AFF3: variants seen among roughly 807,000 people sequenced by gnomAD.
The protein encoded by AFF3 is ALF transcription elongation factor 3.
AFF3 carries 32 observed loss-of-function variants against 129.7 expected under a neutral mutation model. The observed-to-expected ratio is 0.25, with a 90% CI of 0.19 to 0.33. The LOEUF (loss-of-function observed/expected upper bound fraction) is 0.33. Among genes scored for constraint, AFF3 ranks in the 10% least tolerant of loss-of-function variants. AFF3 has a pLI of 1.00. For synonymous variants in AFF3, 644 were observed against 635.4 expected, an observed-to-expected ratio of 1.01 and a Z score of -0.20; for missense variants, 1,373 against 1,592.0, an observed-to-expected ratio of 0.86 and a Z score of 2.34.
intron 7 of AFF3, among the ~76,000 whole-genome samples, chr2:99,892,023 C>T (rs1019174192): frequency 6.6e-6 from 1 of 152,106 alleles, no homozygotes. Context: ...AGGGTTTCAC[C>T]GTATTAGCCA....
intron 7 of AFF3, among the ~76,000 whole-genome samples, chr2:99,938,864 C>G (rs1674767159): frequency 6.6e-6 from 1 of 152,142 alleles, no homozygotes; most frequent in African/African-American, 2.4e-5. Flanking sequence ...ATACACTTGT[C>G]AGAGACAGAG....
intron 7 of AFF3, among the ~76,000 whole-genome samples, chr2:99,838,082 C>G (rs1398751608): frequency 6.6e-6 from 1 of 152,170 alleles, no homozygotes; most frequent in Admixed American, 6.5e-5. Flanking sequence ...GCGTCACGCT[C>G]AAGTCACTTG....
chr2:100,107,193 A>G, intron 2 of AFF3: 1 of 985,358 alleles, frequency 1.0e-6, no homozygotes, highest in South Asian at 4.7e-5. Flanking sequence ...GTAGTTGCAG[A>G]TCCTGTTTTT....
At chr2:99,786,616 A>C (rs935397836) in intron 8 of AFF3, among the ~76,000 whole-genome samples, 1 of 152,236 alleles carries the variant, frequency 6.6e-6, no homozygotes, top group African/African-American at 2.4e-5. Flanking sequence ...TGTGGGGGCC[A>C]GTAAATAGAA....
At position 99,886,840 on chromosome 2, in the gene AFF3, A is replaced by AT. The variant is rs983823563; in HGVS notation, c.874-49317dup. On this transcript the variant is annotated intron_variant, in intron 7 of 24. Transcript: ENST00000672756. Reference sequence around the variant, plus strand: ...ATTTGTGAAAATTTTTACCATATGTATTTAGGATACTTTCTTAAAGTTTTA... The same window carrying AT: ...ATTTGTGAAAATTTTTACCATATGTATTTTAGGATACTTTCTTAAAGTTTTA... 2.6e-5 allele frequency among the ~76,000 whole-genome samples: 4 copies of AT among 152,320 alleles called. No individual in the cohort carries two copies. In the South Asian group the frequency reaches 8.3e-4, roughly 32 times the overall value.
At chr2:99,587,123 C>T in intron 16 of AFF3, 31 bp downstream of exon 16, 4 of 1,613,010 alleles carry the variant, frequency 2.5e-6, no homozygotes, top group Non-Finnish European at 2.5e-6. Flanking sequence ...ATCTCTCCAG[C>T]TCACTTCCAC....
Position 99,577,927 on chromosome 2 carries a change from G to C in AFF3, c.2918+400C>G, listed in dbSNP as rs530763380. 6.0e-4 allele frequency among the ~76,000 whole-genome samples: 91 copies of C among 152,308 alleles called. 1 individual carries two copies. Among genetic ancestry groups the C allele is most frequent in the African/African-American group, 2.1e-3 (89 of 41,576 alleles). ...AGAATATAGCAGTTGGAGGAAAAAAGCTTTCAGGAGTAAAACACTATTATT... is the reference window on the plus strand; with the variant it reads ...AGAATATAGCAGTTGGAGGAAAAAACCTTTCAGGAGTAAAACACTATTATT... On this transcript the variant is annotated intron_variant, in intron 18 of 24. Transcript: ENST00000672756.
intron 12 of AFF3, among the ~76,000 whole-genome samples, chr2:99,660,261 A>G (rs188663761): frequency 6.6e-6 from 1 of 152,348 alleles, no homozygotes; most frequent in East Asian, 1.9e-4. Context: ...TTGTAGAAAG[A>G]CCAGATGAAA....
chr2:100,003,029 C>G (rs1309305636), intron 7 of AFF3, among the ~76,000 whole-genome samples: 1 of 145,578 alleles, frequency 6.9e-6, no homozygotes, highest in Non-Finnish European at 1.5e-5. Flanking sequence ...TTATATTATT[C>G]CATGAGCCAA....
chr2:99,780,825 G>A (rs1575962362), intron 8 of AFF3, among the ~76,000 whole-genome samples: 1 of 151,908 alleles, frequency 6.6e-6, no homozygotes, highest in Non-Finnish European at 1.5e-5. Context: ...AGTCACCTGC[G>A]ACCTCCAAGG....
chr2:99,602,640 G>A (rs558305614), intron 13 of AFF3, among the ~76,000 whole-genome samples: 545 of 152,224 alleles, frequency 3.6e-3, no homozygotes, highest in Non-Finnish European at 6.0e-3. Flanking sequence ...CAAAAATGCC[G>A]GTCACTCTTG....
chr2:99,563,810 C>CAAAAAA (rs34843347), intron 20 of AFF3, among the ~76,000 whole-genome samples: 6 of 75,994 alleles, frequency 7.9e-5, no homozygotes, highest in Non-Finnish European at 1.2e-4. Context: ...AATTTAGTCT[C>CAAAAAA]AAAAAAAAAA....
chr2:99,964,487 AACATTCATTTCTAAAT>A (rs1677540280), intron 7 of AFF3, among the ~76,000 whole-genome samples: 1 of 152,170 alleles, frequency 6.6e-6, no homozygotes, highest in Non-Finnish European at 1.5e-5. Context: ...TTGAAAATTA[AACATTCATTTCTAAAT>A]ACTGAATGGT....
chr2:99,978,034 G>A (rs757869590), intron 7 of AFF3, among the ~76,000 whole-genome samples: 7 of 152,156 alleles, frequency 4.6e-5, no homozygotes, highest in Non-Finnish European at 8.8e-5. Context: ...ACACTAGTCT[G>A]TAAAACTCCT....
intron 20 of AFF3, among the ~76,000 whole-genome samples, chr2:99,561,572 C>T (rs904161394): frequency 2.0e-5 from 3 of 152,066 alleles, no homozygotes; most frequent in Non-Finnish European, 2.9e-5. Flanking sequence ...GCAGTGGGGT[C>T]TTACTATGTT....
At chr2:99,941,250 G>A (rs953269507) in intron 7 of AFF3, among the ~76,000 whole-genome samples, 1 of 152,110 alleles carries the variant, frequency 6.6e-6, no homozygotes, top group African/African-American at 2.4e-5. Flanking sequence ...AGAAAACAAC[G>A]ATCTCAGCAC....
intron 4 of AFF3, among the ~76,000 whole-genome samples, chr2:100,082,304 A>G (rs1037563457): frequency 1.9e-4 from 29 of 152,086 alleles, no homozygotes; most frequent in Non-Finnish European, 3.8e-4. Flanking sequence ...CTGGGACTGG[A>G]AACACCTAAC....
At chr2:99,889,988 C>T (rs557560083) in intron 7 of AFF3, among the ~76,000 whole-genome samples, 2 of 152,314 alleles carry the variant, frequency 1.3e-5, no homozygotes, top group African/African-American at 2.4e-5. Flanking sequence ...AATGGTAAAT[C>T]TGCCCCTGCC....
rs993442254 is a variant in AFF3 at position 100,008,853 on chromosome 2, T to C, written c.133A>G (p.Thr45Ala). The C allele has an allele frequency of 3.1e-6, 5 of 1,614,114 alleles. No homozygotes were observed. The highest frequency in any genetic ancestry group is 2.2e-5 in the East Asian group (1 of 44,892). ...RNQETQQDDG[T>A]FNSSYSLFSE... Reference sequence around the variant, plus strand: ...AAGAGAGAGTAACTAGAATTAAACGTGCCATCATCCTGTTGAGTTTCTTGA... The same window carrying C: ...AAGAGAGAGTAACTAGAATTAAACGCGCCATCATCCTGTTGAGTTTCTTGA... Residue 45 changes from threonine to alanine, a missense_variant, in exon 5 of 25, where the codon ACG (threonine) becomes GCG (alanine). Transcript: ENST00000672756.
Sources: allele counts gnomAD v4.1 joint callset (sites outside exome capture counted in the v4.1 genomes callset), GRCh38; gene constraint gnomAD v4.1.1; transcripts MANE v1.5; gene names NCBI Gene and HGNC (gene_info 2026-07-23, HGNC 2026-07-21).